The following KALRN variants were observed in gnomAD, a reference collection of about 807,000 sequenced individuals.
KALRN encodes the protein kalirin.
KALRN carries 70 observed loss-of-function variants against 353.7 expected under a neutral mutation model. The observed-to-expected ratio is 0.20, with a 90% CI of 0.16 to 0.24. KALRN has a LOEUF of 0.24. Among genes scored for constraint, KALRN ranks in the 10% least tolerant of loss-of-function variants. KALRN has a pLI of 1.00. For synonymous variants in KALRN, 1,391 were observed against 1,434.8 expected (o/e 0.97, Z 0.69); for missense variants, 2,791 against 3,756.7 (o/e 0.74, Z 6.72).
At chr3:124,230,652 T>TC (rs2079038074) in intron 2 of KALRN, among the ~76,000 whole-genome samples, 1 of 151,984 alleles carries the variant, frequency 6.6e-6, no homozygotes, top group Admixed American at 6.5e-5. Flanking sequence ...AGCATAGCTC[T>TC]CCCCCATTTG....
At chr3:124,573,905 G>A (rs946631853) in intron 34 of KALRN, among the ~76,000 whole-genome samples, 16 of 152,154 alleles carry the variant, frequency 1.1e-4, no homozygotes, top group Admixed American at 3.3e-4. Flanking sequence ...TCCTTGGCTT[G>A]TACCTCTGGC....
chr3:124,391,475 G>A (rs975210839), intron 11 of KALRN, among the ~76,000 whole-genome samples: 1 of 152,172 alleles, frequency 6.6e-6, no homozygotes, highest in Non-Finnish European at 1.5e-5. Flanking sequence ...TGACAGAAAA[G>A]ATCGTTCTGG....
rs550762479 is a variant in KALRN at position 124,644,524 on chromosome 3, T to A, written c.5665-6284T>A. Among the ~76,000 whole-genome samples the A allele has an allele frequency of 6.6e-5, 10 of 151,856 alleles. No homozygotes were observed. The East Asian group carries it at 1.9e-3, about 30-fold the overall frequency. ...CCAGTGTGTGATGTTCCCCTCCCTGTGTCTATGTGTTCTCATTGTTCAACT... is the reference window on the plus strand; with the variant it reads ...CCAGTGTGTGATGTTCCCCTCCCTGAGTCTATGTGTTCTCATTGTTCAACT... On this transcript the variant is annotated intron_variant, in intron 37 of 59. Coordinates refer to ENST00000682506, the MANE Select transcript of KALRN (RefSeq NM_001388419.1).
chr3:124,320,943 C>G (rs2079273544), intron 6 of KALRN, among the ~76,000 whole-genome samples: 1 of 152,176 alleles, frequency 6.6e-6, no homozygotes, highest in Admixed American at 6.5e-5. Flanking sequence ...GTGTTGTGCT[C>G]TCTGTGAAAG....
intron 11 of KALRN, among the ~76,000 whole-genome samples, chr3:124,389,783 C>G (rs1298659223): frequency 6.6e-6 from 1 of 151,998 alleles, no homozygotes; most frequent in Non-Finnish European, 1.5e-5. Flanking sequence ...TAATATTTAC[C>G]AGAAGTAAAT....
At chr3:124,036,059 AT>A (rs2039389511) in intron 1 of KALRN, among the ~76,000 whole-genome samples, 1 of 151,642 alleles carries the variant, frequency 6.6e-6, no homozygotes, top group Admixed American at 6.6e-5. Context: ...TTTTATTTTT[AT>A]TTTTTGTTGT....
chr3:124,156,643 G>C (rs547349064), intron 1 of KALRN, among the ~76,000 whole-genome samples: 1 of 152,164 alleles, frequency 6.6e-6, no homozygotes, highest in Non-Finnish European at 1.5e-5. Flanking sequence ...GAGATGCTTC[G>C]CTGCTGCCCC....
chr3:124,410,284 C>T (rs997210263), intron 13 of KALRN: 2 of 532,802 alleles, frequency 3.8e-6, no homozygotes, highest in Admixed American at 3.9e-5. Context: ...ATAGATACCT[C>T]AGACTCAGTT....
chr3:124,646,390 A>AAT (rs1578623220), intron 37 of KALRN, among the ~76,000 whole-genome samples: 1 of 94,672 alleles, frequency 1.1e-5, no homozygotes, highest in Non-Finnish European at 2.1e-5. Flanking sequence ...TCTTTTGTTT[A>AAT]CTTTTTTTTT....
chr3:124,185,301 C>CCACT (rs1423223267), intron 1 of KALRN, among the ~76,000 whole-genome samples: 14 of 152,352 alleles, frequency 9.2e-5, no homozygotes, highest in African/African-American at 2.6e-4. Flanking sequence ...CAGGCGTGAG[C>CCACT]CACTGCACCT....
chr3:124,117,408 A>G (rs1176084837), intron 1 of KALRN, among the ~76,000 whole-genome samples: 1 of 151,996 alleles, frequency 6.6e-6, no homozygotes, highest in Non-Finnish European at 1.5e-5. Flanking sequence ...ATTAAGGGTC[A>G]TCTCTGGAGA....
At chr3:124,603,519 C>T (rs1170759430) in intron 34 of KALRN, among the ~76,000 whole-genome samples, 1 of 152,148 alleles carries the variant, frequency 6.6e-6, no homozygotes, top group Non-Finnish European at 1.5e-5. Context: ...GCTATTCTTC[C>T]TTCCTGTCCC....
chr3:124,658,459 A>G lies in KALRN; in HGVS notation c.6065A>G (p.Tyr2022Cys), dbSNP rs1259077338. The part of the protein sequence containing the change: ...HERKLHIYVW[Y>C]CQNKPRSEYI... ...CGGAAGCTGCACATCTACGTGTGGT[A>G]TTGTCAGAATAAGCCGCGCTCAGAG... Residue 2022 changes from tyrosine to cysteine, a missense_variant, in exon 42 of 60, where the codon TAT becomes TGT. Around this residue, in one of 11 missense-constraint regions of KALRN, gnomAD observed 1,065 missense variants for 1,156.4 expected, o/e 0.92. Coordinates refer to ENST00000682506, the MANE Select transcript of KALRN (RefSeq NM_001388419.1). 1 of 1,613,838 alleles carries G rather than the reference A, an allele frequency of 6.2e-7. No homozygotes were observed. Among genetic ancestry groups the G allele is most frequent in the East Asian group, 2.2e-5 (1 of 44,888 alleles).
chr3:124,136,316 G>A lies in KALRN; in HGVS notation c.74-91674G>A, dbSNP rs145356962. Reference sequence around the variant, plus strand: ...ACAAGTTGTTTGCCCTACCTTCAGCGTTTCTGATTCAGCAGGTCTACAGTG... The same window carrying A: ...ACAAGTTGTTTGCCCTACCTTCAGCATTTCTGATTCAGCAGGTCTACAGTG... On this transcript the variant is annotated intron_variant, in intron 1 of 59. Transcript: ENST00000682506. 6.9e-3 allele frequency among the ~76,000 whole-genome samples: 1,054 copies of A among 152,232 alleles called. 12 individuals are homozygous for A. Among genetic ancestry groups the A allele is most frequent in the African/African-American group, 0.024 (995 of 41,524 alleles).
At chr3:124,570,122 C>T (rs575150077) in intron 34 of KALRN, among the ~76,000 whole-genome samples, 2 of 152,356 alleles carry the variant, frequency 1.3e-5, no homozygotes, top group African/African-American at 4.8e-5. Context: ...TTCTCTACCT[C>T]TTACTTTTCA....
intron 42 of KALRN, 66 bp downstream of exon 42, chr3:124,658,583 G>A (rs56342323): frequency 0.047 from 55,723 of 1,196,524 alleles, 1,594 homozygotes; most frequent in Non-Finnish European, 0.056. Flanking sequence ...GCCACTTTCA[G>A]AAATACCAGA....
At chr3:124,277,127 G>A (rs1475695981) in intron 5 of KALRN, among the ~76,000 whole-genome samples, 1 of 152,220 alleles carries the variant, frequency 6.6e-6, no homozygotes, top group African/African-American at 2.4e-5. Context: ...CACCAGTGCT[G>A]TGGTGAAGGG....
chr3:124,725,876 C>T lies in KALRN; in HGVS notation c.*6406C>T, dbSNP rs2063412670. On this transcript the variant is annotated 3_prime_UTR_variant, in exon 60 of 60. Transcript: ENST00000682506. ...TTCACTGGCCATTCAGACAAAGGGC[C>T]TTATTCATAAGTGGACAGGTTTCCC... is the stretch of plus-strand genomic sequence containing the variant. 1 of 152,200 alleles carries T rather than the reference C, an allele frequency of 6.6e-6. No individual in the cohort carries two copies. Among genetic ancestry groups the T allele is most frequent in the Non-Finnish European group, 1.5e-5 (1 of 68,038 alleles). The allele number at this position is 152,200 out of a possible 1,614,324, so 9.4% of individuals were successfully genotyped here.
intron 6 of KALRN, among the ~76,000 whole-genome samples, chr3:124,303,750 A>G (rs1580725498): frequency 6.6e-6 from 1 of 152,272 alleles, no homozygotes; most frequent in East Asian, 1.9e-4. Flanking sequence ...GGCGGGAGGA[A>G]TCCTTTCTGC....
Sources: allele counts gnomAD v4.1 joint callset (sites outside exome capture counted in the v4.1 genomes callset), GRCh38; gene constraint gnomAD v4.1.1; regional missense constraint gnomAD v4.1.1; transcripts MANE v1.5; gene names NCBI Gene and HGNC (gene_info 2026-07-23, HGNC 2026-07-21).